PI4KA: variants seen among roughly 807,000 people sequenced by gnomAD.
PI4KA encodes the protein PI4-kinase alpha.
Under a neutral mutation model 271.4 loss-of-function variants are expected in PI4KA, and 122 were observed. The ratio of observed to expected loss-of-function variants is 0.45; its 90% CI spans 0.39 to 0.52. PI4KA has a LOEUF of 0.52. Among genes scored for constraint, PI4KA ranks in the 20% least tolerant of loss-of-function variants. The pLI is 0.00. For synonymous variants in PI4KA, 1,041 were observed against 1,078.8 expected (o/e 0.96, Z 0.69); for missense variants, 1,969 against 2,769.1 (o/e 0.71, Z 6.48).
chr22:20,853,054 TG>T (rs1406132129), intron 1 of PI4KA, among the ~76,000 whole-genome samples: 3 of 152,154 alleles, frequency 2.0e-5, no homozygotes, highest in African/African-American at 7.2e-5. Context: ...CTGGGCAAAA[TG>T]GTGAGACTCC....
intron 32 of PI4KA, among the ~76,000 whole-genome samples, chr22:20,739,162 A>G (rs1364056959): frequency 2.0e-5 from 3 of 151,534 alleles, no homozygotes; most frequent in Non-Finnish European, 4.4e-5. Flanking sequence ...TGGCTAACAC[A>G]GTGAAACCCC....
At chr22:20,781,060 T>C (rs568658112) in intron 19 of PI4KA, among the ~76,000 whole-genome samples, 39 of 152,282 alleles carry the variant, frequency 2.6e-4, no homozygotes, top group African/African-American at 8.7e-4. Flanking sequence ...CAGGATACTT[T>C]TGAACTACTG....
At chr22:20,758,790 T>C (rs1220731718) in intron 23 of PI4KA, among the ~76,000 whole-genome samples, 1 of 152,150 alleles carries the variant, frequency 6.6e-6, no homozygotes, top group Non-Finnish European at 1.5e-5. Flanking sequence ...GGCTTCTCTG[T>C]AGAAACTGCC....
At chr22:20,792,312 A>G (rs1934694730) in intron 19 of PI4KA, among the ~76,000 whole-genome samples, 2 of 152,174 alleles carry the variant, frequency 1.3e-5, no homozygotes, top group African/African-American at 4.8e-5. Flanking sequence ...AACGACTTCA[A>G]TGAGACCAGG....
chr22:20,742,917 A>G, intron 30 of PI4KA, 153 bp from the exon 31 acceptor site: 1 of 659,854 alleles, frequency 1.5e-6, no homozygotes, highest in Non-Finnish European at 2.7e-6. Flanking sequence ...GCTCATTTCA[A>G]TGATGCTACC....
chr22:20,725,848 G>T (rs1927286132), intron 42 of PI4KA: 1 of 230,850 alleles, frequency 4.3e-6, no homozygotes, highest in Non-Finnish European at 9.2e-6. Context: ...AGAGGTTGAG[G>T]CTGCAGTGAG....
intron 29 of PI4KA, among the ~76,000 whole-genome samples, chr22:20,746,058 A>AAGG (rs1272827051): frequency 9.3e-6 from 1 of 107,322 alleles, no homozygotes; most frequent in African/African-American, 3.7e-5. Flanking sequence ...AAAAAAAAAA[A>AAGG]GAATTTTTTT....
intron 47 of PI4KA, 25 bp downstream of exon 47, chr22:20,714,433 A>G (rs1925711889): frequency 1.3e-6 from 2 of 1,590,746 alleles, no homozygotes; most frequent in African/African-American, 1.4e-5. Flanking sequence ...TGAGCTCCCA[A>G]ACAAAATCAG....
chr22:20,774,149 A>G (rs1933054737), intron 19 of PI4KA: 4 of 152,210 alleles, frequency 2.6e-5, no homozygotes. Flanking sequence ...CACAGAGGTA[A>G]GTTGGGTTTC....
chr22:20,800,863 G>T (rs1425864073), intron 14 of PI4KA, among the ~76,000 whole-genome samples: 1 of 141,386 alleles, frequency 7.1e-6, no homozygotes, highest in Non-Finnish European at 1.6e-5. Flanking sequence ...GACAAAGCAA[G>T]ACTCTGTCTC....
chr22:20,780,332 G>C, intron 19 of PI4KA: 1 of 1,422,610 alleles, frequency 7.0e-7, no homozygotes, highest in Non-Finnish European at 9.8e-7. Context: ...ATTGACTCTG[G>C]AACGGGGACA....
In PI4KA at chr22:20,714,613, G is replaced by C; in HGVS notation, c.5390+15C>G. On this transcript the variant is annotated intron_variant, in intron 46 of 54. Transcript: ENST00000255882. ...GACGCGTGGAAGTGGGGGATGGGTA[G>C]GGTGAGGCGCCCACCTCTGCATCGG... The C allele has an allele frequency of 6.2e-7, 1 of 1,614,006 alleles. No homozygotes were observed.
At chr22:20,780,700 T>C (rs178037) in intron 19 of PI4KA, among the ~76,000 whole-genome samples, 67,976 of 148,836 alleles carry the variant, frequency 0.46, 16,015 homozygotes, top group African/African-American at 0.57. Context: ...CACTTGAACC[T>C]GGAAGGCAGA....
At chr22:20,748,958 C>T (rs955139710) in intron 28 of PI4KA, among the ~76,000 whole-genome samples, 7 of 152,146 alleles carry the variant, frequency 4.6e-5, no homozygotes, top group African/African-American at 1.2e-4. Context: ...AAATCAAGAC[C>T]GCTTCAAGCC....
chr22:20,796,045 A>G, intron 18 of PI4KA, 101 bp downstream of exon 18: 1 of 1,082,900 alleles, frequency 9.2e-7, no homozygotes, highest in Non-Finnish European at 1.4e-6. Flanking sequence ...ATCATTCACA[A>G]AGAAAGTGCC....
chr22:20,761,517 G>A, intron 22 of PI4KA, 131 bp from the exon 23 acceptor site: 1 of 668,064 alleles, frequency 1.5e-6, no homozygotes, highest in Admixed American at 2.4e-5. Context: ...TGCACACTGA[G>A]GTGGACTTTT....
At chr22:20,836,191 T>G (rs1360243120) in intron 2 of PI4KA, among the ~76,000 whole-genome samples, 1 of 152,150 alleles carries the variant, frequency 6.6e-6, no homozygotes, top group Non-Finnish European at 1.5e-5. Flanking sequence ...GACCCATGAA[T>G]GAGACTTCAG....
chr22:20,805,691 G>T (rs527675209), intron 10 of PI4KA, among the ~76,000 whole-genome samples: 38 of 152,058 alleles, frequency 2.5e-4, no homozygotes, highest in African/African-American at 9.2e-4. Context: ...AATTAGCCGG[G>T]CGTGGTGGTG....
At chr22:20,856,298 C>CG (rs765377263) in intron 1 of PI4KA, among the ~76,000 whole-genome samples, 1 of 151,962 alleles carries the variant, frequency 6.6e-6, no homozygotes, top group Non-Finnish European at 1.5e-5. Context: ...GGCAACAGAG[C>CG]GAGACTCCCT....
Sources: gnomAD v4.1 joint callset for allele counts (sites outside exome capture counted in the v4.1 genomes callset) on GRCh38, gnomAD v4.1.1 for gene constraint, MANE v1.5 for transcripts, NCBI Gene and HGNC (gene_info 2026-07-23, HGNC 2026-07-21) for gene names.